GRIK3: variants seen among roughly 807,000 people sequenced by gnomAD.
GRIK3 encodes glutamate receptor ionotropic, kainate 3.
A neutral mutation model predicts 102.5 loss-of-function variants in GRIK3; 29 were observed. That is an observed-to-expected ratio of 0.28 (90% CI 0.21 to 0.39). GRIK3 has a LOEUF of 0.39. Among genes scored for constraint, GRIK3 ranks in the 10% least tolerant of loss-of-function variants. The pLI, the probability that GRIK3 is intolerant of heterozygous loss-of-function variation, is 1.00. For synonymous variants in GRIK3, 511 were observed against 504.9 expected (o/e 1.01, Z -0.16); for missense variants, 908 against 1,252.4 (o/e 0.73, Z 4.15).
chr1:36,925,806 G>C (rs1035168342), intron 1 of GRIK3, among the ~76,000 whole-genome samples: 3 of 152,236 alleles, frequency 2.0e-5, no homozygotes, highest in Non-Finnish European at 4.4e-5. Context: ...CTCAGTGCTG[G>C]TGTAGTGGGA....
chr1:36,959,698 CT>C (rs1641977763), intron 1 of GRIK3, among the ~76,000 whole-genome samples: 1 of 132,312 alleles, frequency 7.6e-6, no homozygotes, highest in Non-Finnish European at 1.7e-5. Flanking sequence ...CTCTGTGCCC[CT>C]TGAGCCTGTG....
chr1:36,817,442 CCTGG>C (rs1642644212), intron 12 of GRIK3, among the ~76,000 whole-genome samples, 165 bp from the exon 13 acceptor site: 1 of 152,192 alleles, frequency 6.6e-6, no homozygotes, highest in Non-Finnish European at 1.5e-5. Flanking sequence ...AACATCATCA[CCTGG>C]AACTTGTTAG....
At chr1:37,007,770 G>A (rs570052331) in intron 1 of GRIK3, among the ~76,000 whole-genome samples, 22 of 152,220 alleles carry the variant, frequency 1.4e-4, no homozygotes, top group Non-Finnish European at 2.6e-4. Flanking sequence ...AAGCAGTGAA[G>A]TGACTTGTCT....
chr1:36,975,680 A>C (rs1455719355), intron 1 of GRIK3, among the ~76,000 whole-genome samples: 1 of 152,174 alleles, frequency 6.6e-6, no homozygotes, highest in African/African-American at 2.4e-5. Context: ...GAGGAATTTA[A>C]ACTATCGGTT....
chr1:36,811,169 A>G (rs1290227772), intron 13 of GRIK3, among the ~76,000 whole-genome samples: 1 of 152,006 alleles, frequency 6.6e-6, no homozygotes, highest in Non-Finnish European at 1.5e-5. Flanking sequence ...CTAAGGCTCC[A>G]TAGGTGGCCG....
At chr1:36,847,790 G>A (rs1037562059) in intron 9 of GRIK3, among the ~76,000 whole-genome samples, 2 of 152,180 alleles carry the variant, frequency 1.3e-5, no homozygotes, top group African/African-American at 4.8e-5. Flanking sequence ...CCACCCCAAA[G>A]GTCTGTGCTT....
chr1:36,838,168 C>A (rs955994827), intron 10 of GRIK3, among the ~76,000 whole-genome samples: 5 of 152,186 alleles, frequency 3.3e-5, no homozygotes, highest in Non-Finnish European at 5.9e-5. Flanking sequence ...GGTGCCATAT[C>A]TCATTAAATC....
intron 1 of GRIK3, among the ~76,000 whole-genome samples, chr1:36,907,338 G>A (rs539760583): frequency 6.6e-6 from 1 of 152,330 alleles, no homozygotes; most frequent in East Asian, 1.9e-4. Context: ...CCAAAGGACA[G>A]AACCCAGGCC....
intron 10 of GRIK3, among the ~76,000 whole-genome samples, chr1:36,831,336 C>T (rs890310693): frequency 2.6e-5 from 4 of 152,194 alleles, no homozygotes; most frequent in African/African-American, 4.8e-5. Flanking sequence ...GCTGGTACAC[C>T]CTTGCCACCT....
At chr1:36,949,986 A>G (rs1641827324) in intron 1 of GRIK3, among the ~76,000 whole-genome samples, 1 of 152,230 alleles carries the variant, frequency 6.6e-6, no homozygotes, top group Non-Finnish European at 1.5e-5. Flanking sequence ...TATCAGAGCC[A>G]GGATTTGAAT....
intron 5 of GRIK3, among the ~76,000 whole-genome samples, chr1:36,860,754 G>A (rs1306042776): frequency 1.3e-5 from 2 of 152,220 alleles, no homozygotes; most frequent in Admixed American, 1.3e-4. Context: ...GTGTCCCTAA[G>A]CTAGGAGAGA....
chr1:36,900,416 A>T (rs1236060772), intron 1 of GRIK3, among the ~76,000 whole-genome samples: 2 of 152,170 alleles, frequency 1.3e-5, no homozygotes, highest in Non-Finnish European at 2.9e-5. Flanking sequence ...CTGGGACTAC[A>T]GCCACATACC....
intron 1 of GRIK3, among the ~76,000 whole-genome samples, chr1:36,982,794 G>A (rs1299096378): frequency 1.3e-5 from 2 of 151,530 alleles, no homozygotes; most frequent in African/African-American, 2.4e-5. Context: ...GCCGGGAGAG[G>A]GAGGGAAGTG....
At chr1:36,855,853 T>C (rs1219699227) in intron 7 of GRIK3, among the ~76,000 whole-genome samples, 1 of 152,236 alleles carries the variant, frequency 6.6e-6, no homozygotes, top group Non-Finnish European at 1.5e-5. Flanking sequence ...CATTCAGTCC[T>C]CACTGTGACC....
chr1:36,892,318 G>A (rs1055411074), intron 1 of GRIK3, among the ~76,000 whole-genome samples: 10 of 151,980 alleles, frequency 6.6e-5, no homozygotes, highest in African/African-American at 2.2e-4. Context: ...CCACTGTGCC[G>A]GACTACAATT....
chr1:36,976,375 C>G (rs548092867), intron 1 of GRIK3, among the ~76,000 whole-genome samples: 1 of 148,724 alleles, frequency 6.7e-6, no homozygotes, highest in Admixed American at 6.7e-5. Flanking sequence ...CATTTTTTTT[C>G]GGGGGAAAAG....
chr1:37,028,371 CTTAGA>C (rs1176009686), intron 1 of GRIK3, among the ~76,000 whole-genome samples: 9 of 151,960 alleles, frequency 5.9e-5, no homozygotes, highest in African/African-American at 2.4e-5. Flanking sequence ...TTATTTAGGG[CTTAGA>C]TTAAAGCCTC....
chr1:36,944,826 G>A (rs1031177996), intron 1 of GRIK3, among the ~76,000 whole-genome samples: 2 of 152,334 alleles, frequency 1.3e-5, no homozygotes, highest in Non-Finnish European at 2.9e-5. Flanking sequence ...TATTTTCAGC[G>A]AGGTAATGTC....
In GRIK3 at chr1:36,975,288, GT is replaced by G. The variant is rs61125066; in HGVS notation, c.115+58705del. Among the ~76,000 whole-genome samples the G allele has an allele frequency of 6.1e-3, 689 of 113,346 alleles. 6 individuals are homozygous for G. Among genetic ancestry groups the G allele is most frequent in the African/African-American group, 0.019 (487 of 26,282 alleles). The allele number at this position is 113,346 out of a possible 152,430, so 74.4% of individuals were successfully genotyped here. ...AAATCAATGAGCTTATCTAAAGTTG[GT>G]TTTTTTTTTTTTTTTTTTTGAGAGG... On this transcript the variant is annotated intron_variant, in intron 1 of 15. Transcript: ENST00000373091.
Sources: gnomAD v4.1 joint callset for allele counts (sites outside exome capture counted in the v4.1 genomes callset) on GRCh38, gnomAD v4.1.1 for gene constraint, MANE v1.5 for transcripts, NCBI Gene and HGNC (gene_info 2026-07-23, HGNC 2026-07-21) for gene names.